HMGCLL1: variants seen among roughly 807,000 people sequenced by gnomAD.
HMGCLL1 encodes the protein 3-hydroxy-3-methylglutaryl-CoA lyase like 1.
Under a neutral mutation model 39.1 loss-of-function variants are expected in HMGCLL1, and 36 were observed. That is an observed-to-expected ratio of 0.92 (90% CI 0.71 to 1.22). The LOEUF is 1.22. Ranked by LOEUF, HMGCLL1 falls within the 50% of genes most tolerant of loss-of-function variation. HMGCLL1 has a pLI of 0.00. For missense variants in HMGCLL1, 451 were observed against 416.5 expected (o/e 1.08, Z -0.72); for synonymous variants, 149 against 144.0 (o/e 1.03, Z -0.25).
intron 5 of HMGCLL1, among the ~76,000 whole-genome samples, chr6:55,502,204 A>G (rs1766926338): frequency 6.6e-6 from 1 of 151,720 alleles, no homozygotes; most frequent in African/African-American, 2.4e-5. Flanking sequence ...GGCATATTGA[A>G]TATATTATTT....
At chr6:55,636,629 T>C in the HMGCLL1 span, among the ~76,000 whole-genome samples, 1 of 152,164 alleles carries the variant, frequency 6.6e-6, no homozygotes, top group East Asian at 1.9e-4. Context: ...TAAACTAACA[T>C]ATGAGTAATA....
chr6:55,594,329 G>T, the HMGCLL1 span, among the ~76,000 whole-genome samples: 2 of 151,990 alleles, frequency 1.3e-5, no homozygotes, highest in African/African-American at 2.4e-5. Flanking sequence ...CCTGGTTCAG[G>T]TCTAGTTTAC....
chr6:55,542,793 C>G (rs1477103944), intron 1 of HMGCLL1, among the ~76,000 whole-genome samples: 1 of 105,554 alleles, frequency 9.5e-6, no homozygotes, highest in Admixed American at 1.2e-4. Context: ...AATATATATA[C>G]CTATATTTAT....
chr6:55,542,333 C>T (rs1769488989), intron 1 of HMGCLL1, among the ~76,000 whole-genome samples, 193 bp from the exon 2 acceptor site: 1 of 151,808 alleles, frequency 6.6e-6, no homozygotes. Context: ...TCCTTATAAC[C>T]AAGTGATATT....
the HMGCLL1 span, among the ~76,000 whole-genome samples, chr6:55,597,160 C>T: frequency 1.3e-5 from 2 of 152,034 alleles, no homozygotes; most frequent in Non-Finnish European, 2.9e-5. Context: ...TTCCTTAGAA[C>T]TTAACGTATG....
intron 3 of HMGCLL1, among the ~76,000 whole-genome samples, chr6:55,534,150 A>G (rs945124360): frequency 6.6e-6 from 1 of 152,176 alleles, no homozygotes; most frequent in Non-Finnish European, 1.5e-5. Context: ...GTACTAAAAT[A>G]GGTATTCTTT....
intron 7 of HMGCLL1, among the ~76,000 whole-genome samples, chr6:55,457,756 T>A (rs1472172200): frequency 2.0e-5 from 3 of 152,182 alleles, no homozygotes; most frequent in African/African-American, 7.2e-5. Flanking sequence ...CAGAGTTTTA[T>A]GTAAGAGAAA....
At chr6:55,606,054 T>A in the HMGCLL1 span, among the ~76,000 whole-genome samples, 1 of 152,170 alleles carries the variant, frequency 6.6e-6, no homozygotes, top group East Asian at 1.9e-4. Context: ...GAGTTAGTTA[T>A]CCAGTACAAA....
At chr6:55,438,738 T>C (rs1205518537) in intron 8 of HMGCLL1, among the ~76,000 whole-genome samples, 3 of 152,038 alleles carry the variant, frequency 2.0e-5, no homozygotes, top group Non-Finnish European at 4.4e-5. Flanking sequence ...GTAAAAAAAT[T>C]CATTTTACAA....
At chr6:55,557,671 T>C (rs1478996784) in intron 1 of HMGCLL1, among the ~76,000 whole-genome samples, 5 of 152,050 alleles carry the variant, frequency 3.3e-5, no homozygotes, top group Non-Finnish European at 7.4e-5. Flanking sequence ...AGCAGGCTGG[T>C]GAGGGGTGGT....
chr6:55,474,471 A>G (rs1429659335), intron 7 of HMGCLL1, among the ~76,000 whole-genome samples: 3 of 150,048 alleles, frequency 2.0e-5, no homozygotes, highest in Admixed American at 6.7e-5. Flanking sequence ...TTTCTTTTTT[A>G]TTCTTCTTTT....
chr6:55,499,320 T>C (rs1323733103), intron 5 of HMGCLL1, 21 bp from the exon 6 acceptor site: 9 of 1,556,046 alleles, frequency 5.8e-6, no homozygotes, highest in Non-Finnish European at 7.9e-6. Flanking sequence ...AATACAGCCT[T>C]ATAAATATGC....
chr6:55,462,837 G>C (rs947762680), intron 7 of HMGCLL1, among the ~76,000 whole-genome samples: 2 of 152,038 alleles, frequency 1.3e-5, no homozygotes, highest in African/African-American at 4.8e-5. Context: ...GGCTTCTCAG[G>C]AGTAGTTAAC....
chr6:55,539,830 C>T (rs933084201), intron 3 of HMGCLL1, among the ~76,000 whole-genome samples: 1 of 140,474 alleles, frequency 7.1e-6, no homozygotes, highest in Non-Finnish European at 1.5e-5. Context: ...AACAAACCTG[C>T]ACTTGTACCC....
the HMGCLL1 span, among the ~76,000 whole-genome samples, chr6:55,665,486 G>T: frequency 2.0e-5 from 3 of 151,612 alleles, no homozygotes; most frequent in Admixed American, 2.0e-4. Context: ...GTTGATTGAG[G>T]AATATAAGAC....
At chr6:55,468,245 T>C (rs116453696) in intron 7 of HMGCLL1, among the ~76,000 whole-genome samples, 15 of 152,112 alleles carry the variant, frequency 9.9e-5, no homozygotes, top group Non-Finnish European at 2.1e-4. Context: ...TTAATGCTTT[T>C]TGAATTTTTT....
chr6:55,650,132 T>C, the HMGCLL1 span, among the ~76,000 whole-genome samples: 37 of 50,794 alleles, frequency 7.3e-4, 1 homozygote, highest in African/African-American at 1.9e-3. Context: ...TATATATATA[T>C]ATACACACAC....
chr6:55,552,835 C>T (rs1230145350), intron 1 of HMGCLL1, among the ~76,000 whole-genome samples: 2 of 151,754 alleles, frequency 1.3e-5, no homozygotes, highest in Admixed American at 6.6e-5. Flanking sequence ...GGAAATCTTA[C>T]AAAAGTTTTA....
the HMGCLL1 span, among the ~76,000 whole-genome samples, chr6:55,610,152 AGCTAGGG>A: frequency 1.3e-5 from 2 of 152,160 alleles, no homozygotes; most frequent in Admixed American, 1.3e-4. Flanking sequence ...ATGCCTCTCC[AGCTAGGG>A]TACAGAACTG....
Sources: gnomAD v4.1 joint callset for allele counts (sites outside exome capture counted in the v4.1 genomes callset) on GRCh38, gnomAD v4.1.1 for gene constraint, MANE v1.5 for transcripts, NCBI Gene and HGNC (gene_info 2026-07-23, HGNC 2026-07-21) for gene names.